Variants in SOX5 observed in about 807,000 individuals in gnomAD.
SOX5 encodes SRY-box transcription factor 5, also known as transcription factor SOX-5.
SOX5 carries 9 observed loss-of-function variants against 92.0 expected under a neutral mutation model. The observed-to-expected ratio is 0.10, with a 90% CI of 0.06 to 0.17. The LOEUF is 0.17. SOX5 is among the 10% of genes least tolerant of loss of function. The pLI is 1.00. For synonymous variants in SOX5, 344 were observed against 336.3 expected, an observed-to-expected ratio of 1.02 and a Z score of -0.25; for missense variants, 642 against 944.5, an observed-to-expected ratio of 0.68 and a Z score of 4.20.
chr12:23,969,195 C>T (rs1947939722), intron 4 of SOX5, among the ~76,000 whole-genome samples: 1 of 152,188 alleles, frequency 6.6e-6, no homozygotes, highest in South Asian at 2.1e-4. Flanking sequence ...ATTTCCTAAG[C>T]ATATCTCGAA....
At chr12:24,035,074 G>A (rs549675831) in intron 4 of SOX5, among the ~76,000 whole-genome samples, 2 of 152,164 alleles carry the variant, frequency 1.3e-5, no homozygotes, top group African/African-American at 4.8e-5. Flanking sequence ...TCTTTGCAAT[G>A]CTTTTTTCTG....
chr12:23,780,576 G>C (rs1320288663), intron 3 of SOX5, among the ~76,000 whole-genome samples: 2 of 152,004 alleles, frequency 1.3e-5, no homozygotes, highest in Non-Finnish European at 2.9e-5. Flanking sequence ...TCTTGAATGA[G>C]GGAGAATTTA....
intron 4 of SOX5, among the ~76,000 whole-genome samples, chr12:24,194,428 GGTAT>G (rs553923525): frequency 0.041 from 4,289 of 104,364 alleles, 62 homozygotes; most frequent in Middle Eastern, 0.064. Flanking sequence ...TAGGTAGGTA[GGTAT>G]GTAGGTAGGT....
intron 3 of SOX5, among the ~76,000 whole-genome samples, chr12:24,263,266 A>C (rs1488485534): frequency 5.3e-5 from 8 of 149,806 alleles, no homozygotes; most frequent in Admixed American, 5.3e-4. Flanking sequence ...GGTGGCTCAC[A>C]CCTGTAATCC....
intron 1 of SOX5, among the ~76,000 whole-genome samples, chr12:24,440,802 C>G (rs1022687058): frequency 2.0e-5 from 3 of 152,176 alleles, no homozygotes; most frequent in Admixed American, 1.3e-4. Context: ...TTTTCAATCT[C>G]CCAGACAATC....
chr12:23,565,324 C>T (rs1946884345), intron 10 of SOX5, among the ~76,000 whole-genome samples: 1 of 152,194 alleles, frequency 6.6e-6, no homozygotes, highest in African/African-American at 2.4e-5. Context: ...ACAACTCTTA[C>T]ATGACCGTGA....
At chr12:24,090,929 A>C (rs908971693) in intron 4 of SOX5, among the ~76,000 whole-genome samples, 3 of 152,232 alleles carry the variant, frequency 2.0e-5, no homozygotes, top group African/African-American at 7.2e-5. Flanking sequence ...TTCAGCCTTC[A>C]AGTTGACAGA....
intron 2 of SOX5, among the ~76,000 whole-genome samples, chr12:24,306,743 C>T (rs1400618496): frequency 6.6e-6 from 1 of 152,100 alleles, no homozygotes; most frequent in Non-Finnish European, 1.5e-5. Flanking sequence ...TGGAGACAAA[C>T]CCCAAGTAAG....
intron 2 of SOX5, among the ~76,000 whole-genome samples, chr12:24,337,992 C>G (rs1420712928): frequency 1.3e-5 from 2 of 152,054 alleles, no homozygotes; most frequent in Non-Finnish European, 2.9e-5. Context: ...CTCCAAGTTA[C>G]TTTTAAATAT....
chr12:23,667,727 G>A (rs1030572913), intron 6 of SOX5, among the ~76,000 whole-genome samples: 1 of 152,096 alleles, frequency 6.6e-6, no homozygotes, highest in African/African-American at 2.4e-5. Context: ...AAAAAAGGGA[G>A]CTAAATGAAA....
In SOX5 at chr12:23,721,814, G is replaced by A. The variant is rs758115796; in HGVS notation, c.810+12870C>T. ...AGATTATACATGAAGTTTAGCCTAC[G>A]TGCACAGGCACAAGCCAAGGAAGCT... On this transcript the variant is annotated intron_variant, in intron 6 of 14. Coordinates refer to ENST00000451604, the MANE Select transcript of SOX5 (RefSeq NM_006940.6). Among the ~76,000 whole-genome samples, 9 of 152,196 alleles carry A rather than the reference G, an allele frequency of 5.9e-5. No homozygotes were observed. In the East Asian group the frequency reaches 7.7e-4, roughly 13 times the overall value.
intron 2 of SOX5, among the ~76,000 whole-genome samples, chr12:24,321,680 G>T (rs951851680): frequency 5.3e-5 from 8 of 152,096 alleles, no homozygotes; most frequent in Non-Finnish European, 1.0e-4. Context: ...AAGAAAAATT[G>T]CAATATACAA....
chr12:24,352,941 G>A (rs1196413960), intron 2 of SOX5, among the ~76,000 whole-genome samples: 1 of 152,172 alleles, frequency 6.6e-6, no homozygotes, highest in Non-Finnish European at 1.5e-5. Context: ...AAAGAATTAT[G>A]AGGTATGAGA....
chr12:24,335,304 A>G (rs1353792854), intron 2 of SOX5, among the ~76,000 whole-genome samples: 1 of 152,118 alleles, frequency 6.6e-6, no homozygotes, highest in Non-Finnish European at 1.5e-5. Context: ...TCAAATCATT[A>G]TCCATCCATT....
intron 2 of SOX5, among the ~76,000 whole-genome samples, chr12:24,358,603 C>T (rs1955150358): frequency 7.4e-6 from 1 of 134,652 alleles, no homozygotes; most frequent in African/African-American, 2.7e-5. Context: ...CAGAGCGAGA[C>T]TCCATCTCAA....
chr12:24,339,559 A>G (rs574115), intron 2 of SOX5, among the ~76,000 whole-genome samples: 108,345 of 152,100 alleles, frequency 0.71, 38,757 homozygotes, highest in East Asian at 0.85. Context: ...GCCATCGAAG[A>G]GTTCTGTAGA....
intron 2 of SOX5, among the ~76,000 whole-genome samples, chr12:23,854,368 A>G (rs1352986386): frequency 2.6e-5 from 4 of 152,046 alleles, no homozygotes; most frequent in Non-Finnish European, 4.4e-5. Context: ...AGTTGTTAAG[A>G]AACTGGAGGC....
chr12:23,968,126 T>G (rs1202377339), intron 4 of SOX5, among the ~76,000 whole-genome samples: 1 of 152,160 alleles, frequency 6.6e-6, no homozygotes, highest in Non-Finnish European at 1.5e-5. Flanking sequence ...ACTCTACTAG[T>G]GTTCCTAGTA....
intron 4 of SOX5, among the ~76,000 whole-genome samples, chr12:24,186,866 C>T (rs533323092): frequency 1.3e-5 from 2 of 151,838 alleles, no homozygotes; most frequent in African/African-American, 4.8e-5. Context: ...CTTCTTTTTG[C>T]TCTTTTTCCC....
Sources: gnomAD v4.1 joint callset for allele counts (sites outside exome capture counted in the v4.1 genomes callset) on GRCh38, gnomAD v4.1.1 for gene constraint, MANE v1.5 for transcripts, NCBI Gene and HGNC (gene_info 2026-07-23, HGNC 2026-07-21) for gene names.